The following IL1RAPL1 variants were observed in gnomAD, a reference collection of about 807,000 sequenced individuals.
The protein encoded by IL1RAPL1 is interleukin-1 receptor accessory protein-like 1.
IL1RAPL1 carries 3 observed loss-of-function variants against 48.4 expected under a neutral mutation model. That is an observed-to-expected ratio of 0.06 (90% CI 0.03 to 0.16). IL1RAPL1 has a LOEUF of 0.16. Ranked by LOEUF, IL1RAPL1 falls within the 10% of genes least tolerant of loss-of-function variation. IL1RAPL1 has a pLI of 1.00. For synonymous variants in IL1RAPL1, 185 were observed against 187.7 expected (o/e 0.99, Z 0.12); for missense variants, 349 against 530.6 (o/e 0.66, Z 3.36).
intron 3 of IL1RAPL1, among the ~76,000 whole-genome samples, chrX:29,348,126 T>C (rs1434187910): frequency 8.9e-6 from 1 of 112,504 alleles, no homozygotes; most frequent in Non-Finnish European, 1.9e-5. Context: ...ACTATACTTA[T>C]AATACAAAAT....
chrX:29,793,664 A>G (rs1439435520), intron 6 of IL1RAPL1, among the ~76,000 whole-genome samples: 1 of 112,046 alleles, frequency 8.9e-6, no homozygotes, highest in East Asian at 2.8e-4. Context: ...CATTATCACA[A>G]AAATGATCCA....
chrX:29,176,141 T>C (rs1333239547), intron 2 of IL1RAPL1, among the ~76,000 whole-genome samples: 1 of 100,162 alleles, frequency 1.0e-5, no homozygotes, highest in Non-Finnish European at 2.0e-5. Context: ...CCGCCCAGGC[T>C]GAAGTGCAGT....
Position 29,049,002 on chromosome X carries a change from A to G in IL1RAPL1, c.83-233936A>G, listed in dbSNP as rs146122634. Among the ~76,000 whole-genome samples the G allele has an allele frequency of 6.6e-3, 744 of 112,582 alleles. 5 individuals are homozygous for G. The highest frequency in any genetic ancestry group is 0.01 in the Non-Finnish European group (544 of 53,303). ...GTATGGAGTGCATTCTCAATGCTCT[A>G]TTACTTTCAACATTGATATGCTTCT... On this transcript the variant is annotated intron_variant, in intron 2 of 10. Transcript: ENST00000378993.
intron 2 of IL1RAPL1, among the ~76,000 whole-genome samples, chrX:28,912,447 C>A (rs1439901356): frequency 9.1e-6 from 1 of 109,957 alleles, no homozygotes; most frequent in Non-Finnish European, 1.9e-5. Context: ...CTCCATTATG[C>A]CATTTTTGAG....
At chrX:29,531,169 G>GT (rs34439376) in intron 5 of IL1RAPL1, among the ~76,000 whole-genome samples, 74 of 104,698 alleles carry the variant, frequency 7.1e-4, no homozygotes, top group South Asian at 3.9e-3. Flanking sequence ...AAAAAAATCT[G>GT]TTTTTTTTTT....
At chrX:28,867,673 T>C (rs766953800) in intron 2 of IL1RAPL1, among the ~76,000 whole-genome samples, 13 of 112,139 alleles carry the variant, frequency 1.2e-4, no homozygotes, top group Non-Finnish European at 2.1e-4. Context: ...ATGTTGCAGT[T>C]TCTCTCAACA....
chrX:29,240,265 C>A (rs1411421755), intron 2 of IL1RAPL1, among the ~76,000 whole-genome samples: 1 of 72,202 alleles, frequency 1.4e-5, no homozygotes. Flanking sequence ...GGCAGAGTCT[C>A]ACTCAGTCGT....
chrX:29,226,550 A>T (rs1405195613), intron 2 of IL1RAPL1, among the ~76,000 whole-genome samples: 1 of 99,992 alleles, frequency 1.0e-5, no homozygotes, highest in Non-Finnish European at 2.0e-5. Context: ...TTCCTTCCTT[A>T]GCCTCCCGAG....
intron 1 of IL1RAPL1, among the ~76,000 whole-genome samples, chrX:28,712,804 T>C (rs1292985524): frequency 1.8e-5 from 2 of 110,883 alleles, no homozygotes; most frequent in African/African-American, 6.6e-5. Context: ...AGAATTAGCT[T>C]TGTGTATTGT....
At chrX:29,556,405 T>G (rs141482381) in intron 5 of IL1RAPL1, among the ~76,000 whole-genome samples, 5,375 of 111,177 alleles carry the variant, frequency 0.048, 101 homozygotes, top group Middle Eastern at 0.11. Flanking sequence ...TCCCAGTACT[T>G]TGGGATGTTG....
chrX:29,413,488 A>C (rs935248416), intron 5 of IL1RAPL1, among the ~76,000 whole-genome samples: 2 of 103,391 alleles, frequency 1.9e-5, no homozygotes, highest in Non-Finnish European at 4.0e-5. Context: ...ATATCTCCTA[A>C]TGCTATCCCT....
intron 5 of IL1RAPL1, among the ~76,000 whole-genome samples, chrX:29,476,493 C>A (rs1934975620): frequency 9.0e-6 from 1 of 111,427 alleles, no homozygotes; most frequent in Non-Finnish European, 1.9e-5. Flanking sequence ...ATAGGTAAGT[C>A]TTATTTATCT....
chrX:29,412,037 G>C (rs186314297), intron 5 of IL1RAPL1, among the ~76,000 whole-genome samples: 1 of 111,395 alleles, frequency 9.0e-6, no homozygotes, highest in Non-Finnish European at 1.9e-5. Context: ...TTGGGAGGCC[G>C]AAGTGGGTGA....
intron 2 of IL1RAPL1, among the ~76,000 whole-genome samples, chrX:29,116,868 A>T (rs762356706): frequency 1.8e-5 from 2 of 111,859 alleles, no homozygotes; most frequent in African/African-American, 6.5e-5. Flanking sequence ...CACTGGAGAT[A>T]CAGAAGTCAA....
At chrX:29,341,937 G>A (rs1026890298) in intron 3 of IL1RAPL1, among the ~76,000 whole-genome samples, 9 of 110,183 alleles carry the variant, frequency 8.2e-5, no homozygotes, top group Non-Finnish European at 1.5e-4. Flanking sequence ...CTCCTGATTA[G>A]CTGGGACTAC....
intron 6 of IL1RAPL1, among the ~76,000 whole-genome samples, chrX:29,778,524 TA>T (rs1316144205): frequency 4.5e-5 from 5 of 111,931 alleles, no homozygotes; most frequent in African/African-American, 1.6e-4. Context: ...GCCTGGCACA[TA>T]AGTGATCAAC....
intron 1 of IL1RAPL1, among the ~76,000 whole-genome samples, chrX:28,615,179 C>T (rs915098235): frequency 2.1e-5 from 2 of 96,801 alleles, no homozygotes; most frequent in African/African-American, 4.0e-5. Context: ...TGAGGCACTG[C>T]GCCTGGCCAA....
intron 2 of IL1RAPL1, among the ~76,000 whole-genome samples, chrX:29,191,574 C>T (rs1432920252): frequency 8.9e-6 from 1 of 111,976 alleles, no homozygotes; most frequent in African/African-American, 3.2e-5. Flanking sequence ...CTTTCCCTGC[C>T]ATGTACTTTG....
chrX:29,620,675 C>T (rs189004516), intron 5 of IL1RAPL1, among the ~76,000 whole-genome samples: 4 of 111,775 alleles, frequency 3.6e-5, no homozygotes, highest in Middle Eastern at 4.6e-3. Flanking sequence ...TGATGGGGGC[C>T]GCCATTACTT....
Sources: allele counts gnomAD v4.1 joint callset (sites outside exome capture counted in the v4.1 genomes callset), GRCh38; gene constraint gnomAD v4.1.1; transcripts MANE v1.5; gene names NCBI Gene and HGNC (gene_info 2026-07-23, HGNC 2026-07-21).